The following TMPRSS4 variants were observed in gnomAD, a reference collection of about 807,000 sequenced individuals.
TMPRSS4 encodes transmembrane serine protease 4.
TMPRSS4 carries 45 observed loss-of-function variants against 56.4 expected under a neutral mutation model. That is an observed-to-expected ratio of 0.80 (90% CI 0.63 to 1.02). The LOEUF (loss-of-function observed/expected upper bound fraction) is 1.02, where lower values mean the gene tolerates loss of function less well. Among genes scored for constraint, TMPRSS4 ranks in the 50% least tolerant of loss-of-function variants. The probability of loss-of-function intolerance (pLI) is 0.00; values close to 1 mark genes in which losing one functional copy is unlikely to be tolerated. For missense variants in TMPRSS4, 546 were observed against 556.7 expected, an observed-to-expected ratio of 0.98 and a Z score of 0.19; for synonymous variants, 205 against 211.0, an observed-to-expected ratio of 0.97 and a Z score of 0.25.
Position 118,103,380 on chromosome 11 carries a change from G to GTTTGT in TMPRSS4, c.310+130_310+134dup, listed in dbSNP as rs906902334. 5.6e-6 allele frequency: 6 copies of GTTTGT among 1,065,626 alleles called. No individual in the cohort carries two copies. In the African/African-American group the frequency reaches 7.9e-5, roughly 14 times the overall value. The allele number at this position is 1,065,626 out of a possible 1,614,324, so 66.0% of individuals were successfully genotyped here. A position where few individuals can be genotyped will look rare whatever the true frequency, so the allele number is the denominator to read the frequency against. On this transcript the variant is annotated intron_variant, in intron 4 of 12. Transcript: ENST00000437212. The stretch of plus-strand genomic sequence containing the variant: ...TCATCCTTGTTGTATAAGGTTCTTT[G>GTTTGT]TTTGTTTGTTTGTTGTTGTTTTGAG...
intron 1 of TMPRSS4, among the ~76,000 whole-genome samples, chr11:118,080,580 C>T (rs1945049325): frequency 6.6e-6 from 1 of 152,130 alleles, no homozygotes; most frequent in South Asian, 2.1e-4. Context: ...TCAGTCTTCC[C>T]TCAGTGCAGC....
intron 3 of TMPRSS4, 183 bp from the exon 4 acceptor site, chr11:118,102,918 C>T: frequency 1.4e-6 from 1 of 716,588 alleles, no homozygotes; most frequent in Admixed American, 2.5e-5. Flanking sequence ...TTACTATCTC[C>T]ACTTTACAGA....
chr11:118,117,837 C>G, intron 12 of TMPRSS4, 65 bp from the exon 13 acceptor site: 1 of 1,613,944 alleles, frequency 6.2e-7, no homozygotes, highest in East Asian at 2.2e-5. Context: ...TCACGTTACA[C>G]ATGTCACCAC....
chr11:118,123,591 C>T (rs985877125), downstream of TMPRSS4, among the ~76,000 whole-genome samples: 3 of 152,138 alleles, frequency 2.0e-5, no homozygotes, highest in Non-Finnish European at 4.4e-5. Context: ...GGCACCATCT[C>T]GGCTCACTGC....
chr11:118,108,875 C>G lies in TMPRSS4; in HGVS notation c.562C>G (p.Leu188Val). The stretch of plus-strand genomic sequence containing the variant: ...TTCCAGGCCCTGTCTCTCAGGCTCC[C>G]TGGTCTCCCTGCACTGTCTTGGTGA... ...NSSGPCLSGSLVSLHCLACGK... is the reference protein window; with the variant it reads ...NSSGPCLSGSVVSLHCLACGK... The change falls in exon 7 of 13, where the codon CTG becomes GTG. Residue 188 changes from leucine (L) to valine (V), a missense_variant. Leu to Val is a conservative substitution (Grantham distance 32, BLOSUM62 1). Coordinates refer to ENST00000437212, the MANE Select transcript of TMPRSS4 (RefSeq NM_019894.4). 6.2e-7 allele frequency: 1 copy of G among 1,614,110 alleles called. No homozygotes were observed. The highest frequency in any genetic ancestry group is 1.3e-5 in the African/African-American group (1 of 75,038).
Position 118,103,170 on chromosome 11 carries a change from TG to T in TMPRSS4, c.228del (p.Cys77ValfsTer124). The T allele has an allele frequency of 6.2e-7, 1 of 1,614,218 alleles. No homozygotes were observed. Among genetic ancestry groups the T allele is most frequent in the Non-Finnish European group, 8.5e-7 (1 of 1,180,042 alleles). On this transcript the variant is annotated frameshift_variant, in exon 4 of 13. Coordinates refer to ENST00000437212, the MANE Select transcript of TMPRSS4 (RefSeq NM_019894.4). LOFTEE classifies it high-confidence loss of function. ...QPLHFIPRKQ[L>X]CDGELDCPLG... ...CTCCACTTCATCCCGAGGAAGCAGC[TG>T]TGTGACGGAGAGCTGGACTGTCCCT... is the stretch of plus-strand genomic sequence containing the variant.
At chr11:118,103,055 G>T in intron 3 of TMPRSS4, 46 bp from the exon 4 acceptor site, 3 of 1,607,816 alleles carry the variant, frequency 1.9e-6, no homozygotes, top group Non-Finnish European at 2.5e-6. Context: ...CCCTGCTCAA[G>T]CCTGACCCTC....
Position 118,118,153 on chromosome 11 carries a change from G to A in TMPRSS4, c.*240G>A. ...CACTTGGTGCTCCCAGCATCCCAGG[G>A]AGAGACACAGCCCACTGAACAAGGT... On this transcript the variant is annotated 3_prime_UTR_variant, in exon 13 of 13. Coordinates refer to ENST00000437212, the MANE Select transcript of TMPRSS4 (RefSeq NM_019894.4). 6 of 1,418,200 alleles carry A rather than the reference G, an allele frequency of 4.2e-6. No individual in the cohort carries two copies. In the South Asian group the frequency reaches 7.8e-5, roughly 18 times the overall value. 87.9% of individuals were successfully genotyped at this position (1,418,200 alleles called of 1,614,324 possible).
intron 1 of TMPRSS4, among the ~76,000 whole-genome samples, 163 bp downstream of exon 1, chr11:118,077,468 G>A (rs986388457): frequency 3.3e-5 from 5 of 152,172 alleles, no homozygotes; most frequent in South Asian, 2.1e-4. Flanking sequence ...CCCGGTACAC[G>A]TCTCATACCC....
chr11:118,099,243 A>G (rs2135384420), intron 3 of TMPRSS4, 145 bp downstream of exon 3: 1 of 513,728 alleles, frequency 1.9e-6, no homozygotes, highest in East Asian at 3.2e-5. Context: ...CCCTGCCCTC[A>G]CCCACTCAGT....
chr11:118,117,969 G>C lies in TMPRSS4; in HGVS notation c.*56G>C, dbSNP rs1213643886. ...GCTTCCTTCCTGCCCTGCCCACCTGGGGATCCCCCAAAGTCAGACACAGAG... is the reference window on the plus strand; with the variant it reads ...GCTTCCTTCCTGCCCTGCCCACCTGCGGATCCCCCAAAGTCAGACACAGAG... On this transcript the variant is annotated 3_prime_UTR_variant, in exon 13 of 13. Coordinates refer to ENST00000437212, the MANE Select transcript of TMPRSS4 (RefSeq NM_019894.4). The C allele has an allele frequency of 2.5e-6, 4 of 1,611,760 alleles. No homozygotes were observed. Among genetic ancestry groups the C allele is most frequent in the Non-Finnish European group, 3.4e-6 (4 of 1,179,944 alleles).
At chr11:118,077,343 G>T in intron 1 of TMPRSS4, 38 bp downstream of exon 1, 1 of 1,579,676 alleles carries the variant, frequency 6.3e-7, no homozygotes, top group South Asian at 1.2e-5. Context: ...ACACAGGAAG[G>T]GTGGGTCTCC....
Position 118,103,198 on chromosome 11 carries a change from G to A in TMPRSS4, c.255G>A (p.Leu85=). The A allele has an allele frequency of 1.9e-6, 3 of 1,614,200 alleles. No homozygotes were observed. The highest frequency in any genetic ancestry group is 2.5e-6 in the Non-Finnish European group (3 of 1,180,042). The change falls in exon 4 of 13, where the codon TTG becomes TTA. Residue 85 remains leucine, a synonymous_variant. Transcript: ENST00000437212. ...GTGACGGAGAGCTGGACTGTCCCTT[G>A]GGGGAGGACGAGGAGCACTGTGTCA... ...QLCDGELDCP[L]GEDEEHCVKS...
In TMPRSS4 at chr11:118,119,332, A is replaced by G. The variant is rs1947710816; in HGVS notation, c.*1419A>G. 1 of 985,444 alleles carries G rather than the reference A, an allele frequency of 1.0e-6. No homozygotes were observed. Among genetic ancestry groups the G allele is most frequent in the Non-Finnish European group, 1.2e-6 (1 of 829,916 alleles). The allele number at this position is 985,444 out of a possible 1,614,324, so 61.0% of individuals were successfully genotyped here. On this transcript the variant is annotated 3_prime_UTR_variant, in exon 13 of 13. Coordinates refer to ENST00000437212, the MANE Select transcript of TMPRSS4 (RefSeq NM_019894.4). ...ACATGAAGCAGGGATAACTGATGGC[A>G]GTAAATGTGGTCTCAAATTGCAGAT... is the stretch of plus-strand genomic sequence containing the variant.
At chr11:118,094,768 C>G in intron 1 of TMPRSS4, 48 bp from the exon 2 acceptor site, 2 of 1,583,540 alleles carry the variant, frequency 1.3e-6, no homozygotes, top group Non-Finnish European at 1.7e-6. Context: ...CTGCTAGCCC[C>G]AGCCTGAGAG....
chr11:118,110,411 G>A (rs543374459), intron 7 of TMPRSS4, among the ~76,000 whole-genome samples: 2 of 151,108 alleles, frequency 1.3e-5, no homozygotes, highest in South Asian at 2.1e-4. Context: ...TTGCGATCTC[G>A]GCTCACTGCA....
intron 1 of TMPRSS4, among the ~76,000 whole-genome samples, chr11:118,078,721 G>C (rs1352274510): frequency 6.6e-6 from 1 of 152,110 alleles, no homozygotes; most frequent in East Asian, 1.9e-4. Context: ...ACAGAGAAGG[G>C]AATCATTTCT....
Position 118,118,008 on chromosome 11 carries a change from G to A in TMPRSS4, c.*95G>A. 1 of 1,606,424 alleles carries A rather than the reference G, an allele frequency of 6.2e-7. No homozygotes were observed. The highest frequency in any genetic ancestry group is 8.5e-7 in the Non-Finnish European group (1 of 1,178,538). ...TCAGACACAGAGCAAGAGTCCCCTTGGGTACACCCCTCTGCCCACAGCCTC... is the reference window on the plus strand; with the variant it reads ...TCAGACACAGAGCAAGAGTCCCCTTAGGTACACCCCTCTGCCCACAGCCTC... On this transcript the variant is annotated 3_prime_UTR_variant, in exon 13 of 13. Transcript: ENST00000437212.
At chr11:118,123,011 G>A (rs1403327904), downstream of TMPRSS4, among the ~76,000 whole-genome samples, 1 of 152,032 alleles carries the variant, frequency 6.6e-6, no homozygotes, top group African/African-American at 2.4e-5. Flanking sequence ...ACCAGACACC[G>A]AATCTGCTGG....
Sources: gnomAD v4.1 joint callset for allele counts (sites outside exome capture counted in the v4.1 genomes callset) on GRCh38, gnomAD v4.1.1 for gene constraint, MANE v1.5 for transcripts, NCBI Gene and HGNC (gene_info 2026-07-23, HGNC 2026-07-21) for gene names.